GNAS: variants seen among roughly 807,000 people sequenced by gnomAD.
GNAS encodes GNAS complex locus.
A neutral mutation model predicts 54.5 loss-of-function variants in GNAS; 8 were observed. The ratio of observed to expected loss-of-function variants is 0.15; its 90% CI spans 0.09 to 0.26. GNAS has a LOEUF of 0.26. Ranked by LOEUF, GNAS falls within the 10% of genes least tolerant of loss-of-function variation. The pLI is 1.00. For missense variants in GNAS, 170 were observed against 529.8 expected (o/e 0.32, Z 6.67); for synonymous variants, 204 against 191.4 (o/e 1.07, Z -0.54).
At chr20:58,892,296 C>T (rs963551769) in intron 1 of GNAS, 21 of 497,298 alleles carry the variant, frequency 4.2e-5, no homozygotes, top group Non-Finnish European at 5.1e-5. Flanking sequence ...AACCGGGTGG[C>T]GGGTAGAGGG....
At position 58,909,188 on chromosome 20, in the gene GNAS, A is replaced by G. The variant is rs2091272336; in HGVS notation, c.557A>G (p.Lys186Arg). The G allele has an allele frequency of 6.2e-7, 1 of 1,614,064 alleles. No homozygotes were observed. Among genetic ancestry groups the G allele is most frequent in the Admixed American group, 1.7e-5 (1 of 60,014 alleles). ...QYFLDKIDVI[K>R]QADYVPSDQD... is the part of the protein sequence containing the mutation. ...TTCCTGGACAAGATCGACGTGATCA[A>G]GCAGGCTGACTATGTGCCGAGCGAT... The change falls in exon 7 of 13, where the codon AAG becomes AGG. Residue 186 changes from lysine to arginine, a missense_variant. By Grantham distance (26) the Lys-to-Arg change is conservative (BLOSUM62 2). Transcript: ENST00000371085. The surrounding 1 kb of genome is among the most constrained non-coding windows in gnomAD (Gnocchi z 7.3).
rs747625565 is a variant in GNAS at position 58,909,230 on chromosome 20, C to T, written c.585+14C>T. On this transcript the variant is annotated intron_variant, in intron 7 of 12. Transcript: ENST00000371085. The surrounding 1 kb of genome is among the most constrained non-coding windows in gnomAD (Gnocchi z 7.3). Reference sequence around the variant, plus strand: ...CCGAGCGATCAGGTGTGCAAAACCCCTCCCCACCAGAGGACTCTGAGCCCT... The same window carrying T: ...CCGAGCGATCAGGTGTGCAAAACCCTTCCCCACCAGAGGACTCTGAGCCCT... 2 of 1,610,924 alleles carry T rather than the reference C, an allele frequency of 1.2e-6. No individual in the cohort carries two copies. The highest frequency in any genetic ancestry group is 1.1e-5 in the South Asian group (1 of 91,032).
At chr20:58,855,076 A>G in intron 1 of GNAS, 1 of 1,613,380 alleles carries the variant, frequency 6.2e-7, no homozygotes, top group South Asian at 1.1e-5. Context: ...CGAAAGCCCC[A>G]GCGCAACTTA....
At chr20:58,868,776 A>G (rs6070638) in intron 1 of GNAS, among the ~76,000 whole-genome samples, 20,242 of 151,706 alleles carry the variant, frequency 0.13, 1,434 homozygotes, top group African/African-American at 0.17. Context: ...TTTTGGGGGG[A>G]CTTTCTGAGC....
chr20:58,880,836 A>C (rs1321618539), intron 1 of GNAS, among the ~76,000 whole-genome samples: 3 of 151,614 alleles, frequency 2.0e-5, no homozygotes, highest in Admixed American at 6.6e-5. Context: ...TCTATCCTTT[A>C]GTCATAGTTT....
intron 3 of GNAS, among the ~76,000 whole-genome samples, chr20:58,900,721 G>A (rs1213173368): frequency 6.6e-6 from 1 of 152,146 alleles, no homozygotes; most frequent in African/African-American, 2.4e-5. Flanking sequence ...AATTTTCTCT[G>A]AATTTCACAA....
rs1600701198 is a variant in GNAS, at chr20:58,852,777, C to G, written c.43+11891C>G. 5.0e-5 allele frequency: 11 copies of G among 221,448 alleles called. No individual in the cohort carries two copies. In the East Asian group the frequency reaches 5.8e-4, roughly 12 times the overall value. 13.7% of individuals were successfully genotyped at this position (221,448 alleles called of 1,614,324 possible). A position where few individuals can be genotyped will look rare whatever the true frequency, so the allele number is the denominator to read the frequency against. On this transcript the variant is annotated intron_variant, in intron 1 of 12. Transcript: ENST00000306090. ...CCAAAACGTCCCTGCGAGGCCTGCGCTCACCAGCCCCCTTACCCAAAGTCC... is the reference window on the plus strand; with the variant it reads ...CCAAAACGTCCCTGCGAGGCCTGCGGTCACCAGCCCCCTTACCCAAAGTCC...
chr20:58,883,995 T>C (rs894925723), intron 1 of GNAS, among the ~76,000 whole-genome samples: 2 of 152,252 alleles, frequency 1.3e-5, no homozygotes, highest in Non-Finnish European at 2.9e-5. Context: ...ATGAATTAAA[T>C]GTGTGACTAA....
At chr20:58,874,395 G>A (rs2087656472) in intron 1 of GNAS, among the ~76,000 whole-genome samples, 1 of 152,234 alleles carries the variant, frequency 6.6e-6, no homozygotes, top group African/African-American at 2.4e-5. Flanking sequence ...AGGAAGATGG[G>A]CCCAATATTT....
intron 1 of GNAS, chr20:58,855,630 A>G (rs1435193207): frequency 2.9e-6 from 2 of 684,748 alleles, no homozygotes; most frequent in Admixed American, 4.1e-5. Context: ...TAAGCTGGAC[A>G]GGCAGGGGCT....
At position 58,911,048 on chromosome 20, in the gene GNAS, A is replaced by T; in HGVS notation, c.*219A>T. 1 of 678,284 alleles carries T rather than the reference A, an allele frequency of 1.5e-6. No homozygotes were observed. Among genetic ancestry groups the T allele is most frequent in the Non-Finnish European group, 2.7e-6 (1 of 371,962 alleles). The allele number at this position is 678,284 out of a possible 1,614,324, so 42.0% of individuals were successfully genotyped here. On this transcript the variant is annotated 3_prime_UTR_variant, in exon 13 of 13. Coordinates refer to ENST00000371085, the MANE Select transcript of GNAS (RefSeq NM_000516.7). ...GCCTACAGAAAAAGGAAAAAAGGCC[A>T]CAAAAGTTCCCTCTCACTTTCAGTA...
intron 5 of GNAS, among the ~76,000 whole-genome samples, chr20:58,904,710 A>G (rs1254028576): frequency 1.3e-5 from 2 of 152,264 alleles, no homozygotes; most frequent in African/African-American, 4.8e-5. Flanking sequence ...GGAGAAATTT[A>G]GTGGTATATA....
chr20:58,898,795 G>A, intron 2 of GNAS, 146 bp from the exon 3 acceptor site: 3 of 794,654 alleles, frequency 3.8e-6, no homozygotes, highest in Non-Finnish European at 6.8e-6. Flanking sequence ...GGCGACCTAA[G>A]AATTGCCGGG....
At chr20:58,888,727 C>G (rs1354468160), upstream of GNAS, 1 of 152,182 alleles carries the variant, frequency 6.6e-6, no homozygotes, top group African/African-American at 2.4e-5. Context: ...ATACGAAACT[C>G]CGTCCGGGCG....
At chr20:58,903,189 T>G in intron 3 of GNAS, 1 of 412,808 alleles carries the variant, frequency 2.4e-6, no homozygotes, top group Non-Finnish European at 4.6e-6. Context: ...CCTACCCAGA[T>G]GTTGATAGGA....
intron 1 of GNAS, among the ~76,000 whole-genome samples, chr20:58,862,085 G>T (rs896206846): frequency 3.3e-5 from 5 of 152,048 alleles, no homozygotes; most frequent in Non-Finnish European, 5.9e-5. Flanking sequence ...TTTTTTAAAG[G>T]GTAACATGTT....
intron 6 of GNAS, among the ~76,000 whole-genome samples, chr20:58,907,161 A>G (rs1330542735): frequency 6.6e-6 from 1 of 152,216 alleles, no homozygotes; most frequent in Admixed American, 6.5e-5. Context: ...TATAAATCAT[A>G]TAAGCCTCTG....
At chr20:58,867,620 C>A (rs960753339) in intron 1 of GNAS, 2 of 152,194 alleles carry the variant, frequency 1.3e-5, no homozygotes, top group African/African-American at 4.8e-5. Context: ...GGTTCTCATT[C>A]CTGGGACCTT....
At chr20:58,885,249 CT>C (rs1191886094) in intron 1 of GNAS, among the ~76,000 whole-genome samples, 2 of 152,112 alleles carry the variant, frequency 1.3e-5, no homozygotes, top group Non-Finnish European at 2.9e-5. Flanking sequence ...CAGATGGTGC[CT>C]CCCCATCAGA....
Sources: allele counts gnomAD v4.1 joint callset (sites outside exome capture counted in the v4.1 genomes callset), GRCh38; gene constraint gnomAD v4.1.1; non-coding constraint Gnocchi (gnomAD v3.1); transcripts MANE v1.5; gene names NCBI Gene and HGNC (gene_info 2026-07-23, HGNC 2026-07-21).